ME1: variants seen among roughly 807,000 people sequenced by gnomAD.
The protein encoded by ME1 is malic enzyme 1.
Under a neutral mutation model 66.4 loss-of-function variants are expected in ME1, and 74 were observed. The observed-to-expected ratio is 1.11, with a 90% CI of 0.92 to 1.35. The LOEUF is 1.35. ME1 is among the 40% of genes most tolerant of loss of function. The probability of loss-of-function intolerance (pLI) is 0.00; values close to 1 mark genes in which losing one functional copy is unlikely to be tolerated. For synonymous variants in ME1, 251 were observed against 235.6 expected, an observed-to-expected ratio of 1.07 and a Z score of -0.60; for missense variants, 750 against 694.1, an observed-to-expected ratio of 1.08 and a Z score of -0.90.
intron 1 of ME1, among the ~76,000 whole-genome samples, chr6:83,426,926 A>G (rs1770383561): frequency 6.6e-6 from 1 of 152,340 alleles, no homozygotes. Context: ...GCAAAGGGAA[A>G]TAAACTAATT....
Position 83,237,283 on chromosome 6 carries a change from G to A in ME1, c.1026+434C>T, listed in dbSNP as rs369677886. Among the ~76,000 whole-genome samples the A allele has an allele frequency of 2.6e-3, 123 of 46,746 alleles. 8 individuals carry two copies. The highest frequency in any genetic ancestry group is 7.4e-3 in the African/African-American group (80 of 10,820). The allele number at this position is 46,746 out of a possible 152,430, so 30.7% of individuals were successfully genotyped here. A position where few individuals can be genotyped will look rare whatever the true frequency, so the allele number is the denominator to read the frequency against. ...AGAAAGAAAGAAAGAAAGAAAGGAA[G>A]GAAGGAAGGAAAGAAAGAAAAAGAA... On this transcript the variant is annotated intron_variant, in intron 9 of 13. Coordinates refer to ENST00000369705, the MANE Select transcript of ME1 (RefSeq NM_002395.6).
At chr6:83,235,540 G>A (rs991381633) in intron 9 of ME1, among the ~76,000 whole-genome samples, 2 of 144,462 alleles carry the variant, frequency 1.4e-5, no homozygotes, top group African/African-American at 5.2e-5. Context: ...GCGCGATCTC[G>A]GCTCACTGCA....
intron 12 of ME1, among the ~76,000 whole-genome samples, chr6:83,221,728 A>AATGG (rs148938837): frequency 0.022 from 3,290 of 152,242 alleles, 120 homozygotes; most frequent in African/African-American, 0.074. Context: ...TGAATGAATG[A>AATGG]ATGAGATCTT....
chr6:83,386,445 G>C (rs1418250651), intron 3 of ME1, among the ~76,000 whole-genome samples: 1 of 151,804 alleles, frequency 6.6e-6, no homozygotes, highest in Non-Finnish European at 1.5e-5. Flanking sequence ...AAATAGTTCT[G>C]GTTCACCTGG....
At chr6:83,216,449 G>C (rs746062564) in intron 13 of ME1, 49 bp downstream of exon 13, 1 of 1,257,406 alleles carries the variant, frequency 8.0e-7, no homozygotes, top group Admixed American at 2.0e-5. Flanking sequence ...TGCATATTTA[G>C]CAAGAAAAGG....
At chr6:83,364,081 G>T (rs1490138346) in intron 3 of ME1, among the ~76,000 whole-genome samples, 1 of 152,090 alleles carries the variant, frequency 6.6e-6, no homozygotes, top group Non-Finnish European at 1.5e-5. Flanking sequence ...GTCTGTGAGG[G>T]TGTTGCCAAA....
intron 1 of ME1, among the ~76,000 whole-genome samples, chr6:83,429,333 GA>G (rs1438933373): frequency 1.3e-5 from 2 of 152,048 alleles, no homozygotes; most frequent in East Asian, 3.9e-4. Context: ...CTTGCTCAGG[GA>G]TTGCTCATGC....
intron 6 of ME1, among the ~76,000 whole-genome samples, chr6:83,308,032 A>C (rs111292115): frequency 0.029 from 4,440 of 152,206 alleles, 87 homozygotes; most frequent in Non-Finnish European, 0.041. Context: ...TTTGTTCAAC[A>C]CTACTCAGCA....
At chr6:83,296,061 A>C (rs962896418) in intron 6 of ME1, among the ~76,000 whole-genome samples, 5 of 152,122 alleles carry the variant, frequency 3.3e-5, no homozygotes, top group Non-Finnish European at 7.4e-5. Flanking sequence ...CAGGAACTGA[A>C]AGATTCACAG....
chr6:83,273,236 G>T (rs1423491827), intron 6 of ME1, among the ~76,000 whole-genome samples: 2 of 145,958 alleles, frequency 1.4e-5, no homozygotes, highest in African/African-American at 5.1e-5. Flanking sequence ...TCTAAAATGA[G>T]AATTTCAAAT....
intron 3 of ME1, among the ~76,000 whole-genome samples, chr6:83,371,949 C>CT (rs1769199725): frequency 6.6e-6 from 1 of 152,092 alleles, no homozygotes; most frequent in Admixed American, 6.5e-5. Context: ...TTAGGGGCCC[C>CT]TCCTGTATGA....
At chr6:83,248,780 G>A (rs1424760878) in intron 7 of ME1, among the ~76,000 whole-genome samples, 1 of 152,116 alleles carries the variant, frequency 6.6e-6, no homozygotes, top group Non-Finnish European at 1.5e-5. Flanking sequence ...GGCCTCCTCA[G>A]CCATAAGAAA....
At chr6:83,227,695 T>A (rs780915083) in intron 10 of ME1, among the ~76,000 whole-genome samples, 12 of 152,232 alleles carry the variant, frequency 7.9e-5, no homozygotes, top group Non-Finnish European at 1.2e-4. Flanking sequence ...TCTACAAATA[T>A]CTATTAAAAA....
intron 4 of ME1, among the ~76,000 whole-genome samples, chr6:83,349,451 A>C (rs1768756270): frequency 7.3e-6 from 1 of 137,290 alleles, no homozygotes; most frequent in Non-Finnish European, 1.6e-5. Context: ...TGTTTTTCAA[A>C]AATTAAATCT....
In ME1 at chr6:83,216,604, A is replaced by T; in HGVS notation, c.1450-8T>A. The T allele has an allele frequency of 6.3e-7, 1 of 1,579,748 alleles. No individual in the cohort carries two copies. The highest frequency in any genetic ancestry group is 8.6e-7 in the Non-Finnish European group (1 of 1,167,510). On this transcript the variant is annotated splice_region_variant and splice_polypyrimidine_tract_variant and intron_variant, in intron 12 of 13. Coordinates refer to ENST00000369705, the MANE Select transcript of ME1 (RefSeq NM_002395.6). The stretch of plus-strand genomic sequence containing the variant: ...CACTTGCTGAGCTATAACCTTATGA[A>T]AAAAAGAAAGAAAAAAAGTGTTTAT...
chr6:83,407,752 T>G lies in ME1; in HGVS notation c.212+16A>C. The G allele has an allele frequency of 6.4e-7, 1 of 1,560,480 alleles. No individual in the cohort carries two copies. The highest frequency in any genetic ancestry group is 1.2e-5 in the South Asian group (1 of 81,532). ...GCATAAGAGAAATATAAAAACCACC[T>G]TCAGCAATGTGTTACCTGTCAAAGT... On this transcript the variant is annotated intron_variant, in intron 2 of 13. Coordinates refer to ENST00000369705, the MANE Select transcript of ME1 (RefSeq NM_002395.6).
In ME1 at chr6:83,302,460, A is replaced by C. The variant is rs114712907; in HGVS notation, c.704+12850T>G. On this transcript the variant is annotated intron_variant, in intron 6 of 13. Transcript: ENST00000369705. ...CATGTACTCCTGAACTTAAAATTAAAGTTATTAAAAAGAAGTATCACAGTA... is the reference window on the plus strand; with the variant it reads ...CATGTACTCCTGAACTTAAAATTAACGTTATTAAAAAGAAGTATCACAGTA... 7.6e-3 allele frequency among the ~76,000 whole-genome samples: 1,164 copies of C among 152,286 alleles called. 17 individuals carry two copies. The highest frequency in any genetic ancestry group is 0.026 in the African/African-American group (1,071 of 41,572).
chr6:83,259,728 G>A (rs7745988), intron 6 of ME1, among the ~76,000 whole-genome samples: 29,097 of 152,048 alleles, frequency 0.19, 4,303 homozygotes, highest in African/African-American at 0.41. Flanking sequence ...ATAGCAATAT[G>A]GCTTTTGCTC....
At chr6:83,300,440 T>C (rs1767693124) in intron 6 of ME1, among the ~76,000 whole-genome samples, 1 of 151,852 alleles carries the variant, frequency 6.6e-6, no homozygotes, top group African/African-American at 2.4e-5. Flanking sequence ...ATAAACAAAG[T>C]AAACAAAGAA....
Sources: allele counts gnomAD v4.1 joint callset (sites outside exome capture counted in the v4.1 genomes callset), GRCh38; gene constraint gnomAD v4.1.1; transcripts MANE v1.5; gene names NCBI Gene and HGNC (gene_info 2026-07-23, HGNC 2026-07-21).